The following GPR158 variants were observed in gnomAD, a reference collection of about 807,000 sequenced individuals.
GPR158 encodes metabotropic glycine receptor.
GPR158 carries 30 observed loss-of-function variants against 78.2 expected under a neutral mutation model. That is an observed-to-expected ratio of 0.38 (90% confidence interval 0.29 to 0.52). The LOEUF (loss-of-function observed/expected upper bound fraction) is 0.52, where lower values mean the gene tolerates loss of function less well. Among genes scored for constraint, GPR158 ranks in the 20% least tolerant of loss-of-function variants. The pLI, the probability that GPR158 is intolerant of heterozygous loss-of-function variation, is 0.83. For synonymous variants in GPR158, 581 were observed against 591.1 expected (o/e 0.98, Z 0.25); for missense variants, 1,463 against 1,523.5 (o/e 0.96, Z 0.66).
At position 25,602,059 on chromosome 10, in the gene GPR158, T is replaced by A. The variant is rs573716075; in HGVS notation, c.*2785T>A. 6.6e-6 allele frequency: 1 copy of A among 151,786 alleles called. No individual in the cohort carries two copies. Among genetic ancestry groups the A allele is most frequent in the Admixed American group, 6.6e-5 (1 of 15,094 alleles). 9.4% of individuals were successfully genotyped at this position (151,786 alleles called of 1,614,324 possible). On this transcript the variant is annotated 3_prime_UTR_variant, in exon 11 of 11. Coordinates refer to ENST00000376351, the MANE Select transcript of GPR158 (RefSeq NM_020752.3). ...ACTTCTAGCATTTAGCAACCGAGAG[T>A]CGTAGAGTCAATAAAGCTGTAAGTG...
At chr10:25,552,245 A>G (rs918219948) in intron 6 of GPR158, among the ~76,000 whole-genome samples, 4 of 152,148 alleles carry the variant, frequency 2.6e-5, no homozygotes, top group African/African-American at 7.2e-5. Context: ...AGATTAGACC[A>G]GTCTCTAATG....
At chr10:25,414,479 CATAAT>C (rs1044577258) in intron 4 of GPR158, among the ~76,000 whole-genome samples, 1 of 152,006 alleles carries the variant, frequency 6.6e-6, no homozygotes, top group Admixed American at 6.5e-5. Context: ...CAGAATGTGA[CATAAT>C]ATAAGGGGGA....
chr10:25,360,631 G>A (rs1564432550), intron 2 of GPR158, among the ~76,000 whole-genome samples: 1 of 152,024 alleles, frequency 6.6e-6, no homozygotes, highest in South Asian at 2.1e-4. Flanking sequence ...GGCTGTTTTG[G>A]TACCAGTACC....
intron 6 of GPR158, among the ~76,000 whole-genome samples, chr10:25,555,215 G>C (rs140852721): frequency 0.021 from 3,216 of 152,030 alleles, 107 homozygotes; most frequent in African/African-American, 0.074. Flanking sequence ...GCTCTTTTTT[G>C]GTTCCATATG....
chr10:25,561,497 T>A (rs1438918828), intron 6 of GPR158, among the ~76,000 whole-genome samples: 1 of 152,198 alleles, frequency 6.6e-6, no homozygotes, highest in African/African-American at 2.4e-5. Context: ...GTTTGAAATA[T>A]CTTTCTGTAG....
intron 2 of GPR158, among the ~76,000 whole-genome samples, chr10:25,353,226 T>C (rs578017697): frequency 1.1e-4 from 17 of 152,194 alleles, no homozygotes; most frequent in Admixed American, 9.2e-4. Context: ...TTTGTAGCAC[T>C]TAAGCTTATT....
chr10:25,591,883 T>A (rs1837345420), intron 8 of GPR158, among the ~76,000 whole-genome samples: 2 of 152,034 alleles, frequency 1.3e-5, no homozygotes, highest in South Asian at 4.2e-4. Context: ...ATACAGTAAA[T>A]CTGCATAACA....
intron 2 of GPR158, among the ~76,000 whole-genome samples, chr10:25,268,918 G>T (rs1354732881): frequency 3.3e-5 from 5 of 152,126 alleles, no homozygotes; most frequent in Non-Finnish European, 2.9e-5. Context: ...TTGTTATTTA[G>T]TTTTTTATGT....
At chr10:25,464,932 C>T (rs1262313999) in intron 4 of GPR158, among the ~76,000 whole-genome samples, 1 of 152,220 alleles carries the variant, frequency 6.6e-6, no homozygotes, top group East Asian at 1.9e-4. Flanking sequence ...CGTCTTCTAT[C>T]TAACATAATG....
chr10:25,184,579 A>G (rs1852655781), intron 1 of GPR158, among the ~76,000 whole-genome samples: 1 of 152,254 alleles, frequency 6.6e-6, no homozygotes, highest in East Asian at 1.9e-4. Flanking sequence ...GCTAGAAACT[A>G]CAGCAACTTT....
At chr10:25,314,400 G>T (rs1281831369) in intron 2 of GPR158, among the ~76,000 whole-genome samples, 1 of 152,140 alleles carries the variant, frequency 6.6e-6, no homozygotes, top group Non-Finnish European at 1.5e-5. Context: ...CACCCGGTTG[G>T]TTTTCAAATT....
At chr10:25,581,064 A>C (rs1446950678) in intron 7 of GPR158, among the ~76,000 whole-genome samples, 1 of 150,208 alleles carries the variant, frequency 6.7e-6, no homozygotes, top group African/African-American at 2.4e-5. Flanking sequence ...AGCTGGGACT[A>C]CAGGCGCCCG....
At chr10:25,362,435 G>T (rs1337221286) in intron 2 of GPR158, among the ~76,000 whole-genome samples, 1 of 151,602 alleles carries the variant, frequency 6.6e-6, no homozygotes, top group Non-Finnish European at 1.5e-5. Context: ...GGCTATTTGG[G>T]CTCCCTTGAT....
intron 2 of GPR158, among the ~76,000 whole-genome samples, chr10:25,284,862 A>G (rs971972722): frequency 5.3e-5 from 8 of 152,142 alleles, no homozygotes; most frequent in African/African-American, 1.2e-4. Context: ...TACTGTTTCA[A>G]TATAGTATAA....
chr10:25,242,167 C>A (rs1302976436), intron 2 of GPR158, among the ~76,000 whole-genome samples: 1 of 152,136 alleles, frequency 6.6e-6, no homozygotes, highest in Non-Finnish European at 1.5e-5. Context: ...ATAAAATGAC[C>A]TAGGCCACGC....
intron 2 of GPR158, among the ~76,000 whole-genome samples, chr10:25,226,840 T>G (rs1048052430): frequency 7.2e-5 from 11 of 152,164 alleles, no homozygotes; most frequent in African/African-American, 2.4e-4. Context: ...TTTGACCAAT[T>G]GCCTAAAATA....
intron 2 of GPR158, among the ~76,000 whole-genome samples, chr10:25,258,382 C>T (rs1381956307): frequency 6.6e-6 from 1 of 152,158 alleles, no homozygotes; most frequent in Non-Finnish European, 1.5e-5. Context: ...CTGATTGCGG[C>T]TTACCTTGTT....
chr10:25,431,624 G>T (rs867731016), intron 4 of GPR158, among the ~76,000 whole-genome samples: 8 of 143,434 alleles, frequency 5.6e-5, no homozygotes, highest in Admixed American at 1.4e-4. Context: ...GTCCAATAAT[G>T]ATAGACTGGA....
chr10:25,545,357 C>T (rs533478614), intron 5 of GPR158, among the ~76,000 whole-genome samples: 1 of 152,208 alleles, frequency 6.6e-6, no homozygotes, highest in Admixed American at 6.5e-5. Flanking sequence ...TCCACATCCT[C>T]TCCAGGATCT....
Sources: gnomAD v4.1 joint callset for allele counts (sites outside exome capture counted in the v4.1 genomes callset) on GRCh38, gnomAD v4.1.1 for gene constraint, MANE v1.5 for transcripts, NCBI Gene and HGNC (gene_info 2026-07-23, HGNC 2026-07-21) for gene names.